Variants in LRRC58 observed in about 807,000 individuals in gnomAD.
LRRC58 encodes the protein leucine rich repeat containing 58, also known as leucine-rich repeat-containing protein 58.
In LRRC58, 18 loss-of-function variants were observed where a neutral mutation model predicts 30.6. That is an observed-to-expected ratio of 0.59 (90% confidence interval 0.41 to 0.87). The LOEUF (loss-of-function observed/expected upper bound fraction) is 0.87, where lower values mean the gene tolerates loss of function less well. Ranked by LOEUF, LRRC58 falls within the 40% of genes least tolerant of loss-of-function variation. LRRC58 has a pLI of 0.00. For synonymous variants in LRRC58, 221 were observed against 206.0 expected, an observed-to-expected ratio of 1.07 and a Z score of -0.62; for missense variants, 420 against 468.4, an observed-to-expected ratio of 0.90 and a Z score of 0.95.
rs6802912 is a variant in LRRC58, at chr3:120,335,917, T to C, written c.537A>G (p.Lys179=). Residue 179 remains lysine, a synonymous_variant, in exon 2 of 4, where the codon AAA becomes AAG. Transcript: ENST00000295628. The part of the protein sequence containing the change: ...ECLYLGGNFI[K]EIPPELGNLP... ...GATTTCCTAATTCTGGTGGGATTTC[T>C]TTAATGAAATTTCCTCCAAGATATA... 2.9e-3 allele frequency: 4,580 copies of C among 1,595,080 alleles called. 108 individuals are homozygous for C. The African/African-American group carries it at 0.055, about 19-fold the overall frequency.
In LRRC58 at chr3:120,326,678, A is replaced by C. The variant is rs1034827113; in HGVS notation, c.*4522T>G. On this transcript the variant is annotated 3_prime_UTR_variant, in exon 4 of 4. Transcript: ENST00000295628. ...AATGGGGAGTAACATTCATAATGACAATAAAATCTCTACCTCTGGATGAAA... is the reference window on the plus strand; with the variant it reads ...AATGGGGAGTAACATTCATAATGACCATAAAATCTCTACCTCTGGATGAAA... The C allele has an allele frequency of 4.6e-5, 7 of 152,232 alleles. No individual in the cohort carries two copies. The highest frequency in any genetic ancestry group is 2.0e-4 in the Admixed American group (3 of 15,288). 9.4% of individuals were successfully genotyped at this position (152,232 alleles called of 1,614,324 possible).
intron 3 of LRRC58, among the ~76,000 whole-genome samples, chr3:120,332,498 G>A (rs994251046): frequency 6.6e-6 from 1 of 152,028 alleles, no homozygotes; most frequent in Non-Finnish European, 1.5e-5. Context: ...GTCATAGACC[G>A]ATAATAAATC....
At position 120,348,776 on chromosome 3, in the gene LRRC58, C is replaced by G; in HGVS notation, c.468G>C (p.Gln156His). ...AGTTCTCGATCTCAGCCGGGATGCTCTGCAGTTGGTTGCCGCCCAGGCTCA... is the reference window on the plus strand; with the variant it reads ...AGTTCTCGATCTCAGCCGGGATGCTGTGCAGTTGGTTGCCGCCCAGGCTCA... ...QTLSLGGNQL[Q>H]SIPAEIENLQ... The change falls in exon 1 of 4, where the codon CAG (glutamine) becomes CAC (histidine). Residue 156 changes from glutamine (Q) to histidine (H), a missense_variant. By Grantham distance (24) the Gln-to-His change is conservative. Coordinates refer to ENST00000295628, the MANE Select transcript of LRRC58 (RefSeq NM_001099678.2). 2 of 1,603,980 alleles carry G rather than the reference C, an allele frequency of 1.2e-6. No individual in the cohort carries two copies. Among genetic ancestry groups the G allele is most frequent in the Non-Finnish European group, 1.7e-6 (2 of 1,175,890 alleles).
In LRRC58 at chr3:120,326,776, T is replaced by C. The variant is rs2107619322; in HGVS notation, c.*4424A>G. The C allele has an allele frequency of 6.6e-6, 1 of 152,366 alleles. No individual in the cohort carries two copies. Among genetic ancestry groups the C allele is most frequent in the East Asian group, 1.9e-4 (1 of 5,196 alleles). The allele number at this position is 152,366 out of a possible 1,614,324, so 9.4% of individuals were successfully genotyped here. ...TAACTAACCTCATATATACATAATA[T>C]AACCGATAGTTTTGTCTACCAAGGG... On this transcript the variant is annotated 3_prime_UTR_variant, in exon 4 of 4. Transcript: ENST00000295628.
intron 3 of LRRC58, among the ~76,000 whole-genome samples, chr3:120,334,274 G>A (rs1935802176): frequency 6.6e-6 from 1 of 152,172 alleles, no homozygotes; most frequent in Non-Finnish European, 1.5e-5. Context: ...GGAGGCCGAG[G>A]TGGGCGGATC....
At chr3:120,342,940 C>T (rs1559995518) in intron 1 of LRRC58, among the ~76,000 whole-genome samples, 2 of 152,220 alleles carry the variant, frequency 1.3e-5, no homozygotes, top group Non-Finnish European at 2.9e-5. Flanking sequence ...TTATAAGTCA[C>T]TCAGTTTACG....
chr3:120,330,213 C>G lies in LRRC58; in HGVS notation c.*987G>C, dbSNP rs1025530437. 1.1e-4 allele frequency: 17 copies of G among 152,034 alleles called. No individual in the cohort carries two copies. The highest frequency in any genetic ancestry group is 1.1e-3 in the Admixed American group (17 of 15,260). 9.4% of individuals were successfully genotyped at this position (152,034 alleles called of 1,614,324 possible). A position where few individuals can be genotyped will look rare whatever the true frequency, so the allele number is the denominator to read the frequency against. On this transcript the variant is annotated 3_prime_UTR_variant, in exon 4 of 4. Transcript: ENST00000295628. The stretch of plus-strand genomic sequence containing the variant: ...CCATTTAATGCAAGATATAAAGAAG[C>G]TTTCCTAGCTTCTATCTCTTTTAGA...
rs181100405 is a variant in LRRC58 at position 120,329,745 on chromosome 3, G to A, written c.*1455C>T. Reference sequence around the variant, plus strand: ...ACACCTGATGTTCTAATGCCTATCTGATCTGTATAACATTTCTTACTGTAG... The same window carrying A: ...ACACCTGATGTTCTAATGCCTATCTAATCTGTATAACATTTCTTACTGTAG... On this transcript the variant is annotated 3_prime_UTR_variant, in exon 4 of 4. Coordinates refer to ENST00000295628, the MANE Select transcript of LRRC58 (RefSeq NM_001099678.2). 284 of 151,996 alleles carry A rather than the reference G, an allele frequency of 1.9e-3. 1 individual carries two copies. The highest frequency in any genetic ancestry group is 6.0e-3 in the African/African-American group (247 of 41,496). The allele number at this position is 151,996 out of a possible 1,614,324, so 9.4% of individuals were successfully genotyped here.
intron 1 of LRRC58, among the ~76,000 whole-genome samples, chr3:120,338,164 C>T (rs932460918): frequency 6.6e-6 from 1 of 152,158 alleles, no homozygotes; most frequent in Non-Finnish European, 1.5e-5. Context: ...TTTTAAATAC[C>T]TTTTGCCCTG....
rs1358476995 is a variant in LRRC58, at chr3:120,349,024, C to T, written c.220G>A (p.Asp74Asn). 1.3e-6 allele frequency: 2 copies of T among 1,519,426 alleles called. No individual in the cohort carries two copies. Among genetic ancestry groups the T allele is most frequent in the Non-Finnish European group, 1.8e-6 (2 of 1,141,106 alleles). The allele number at this position is 1,519,426 out of a possible 1,614,324, so 94.1% of individuals were successfully genotyped here. The change falls in exon 1 of 4, where the codon GAC becomes AAC. Residue 74 changes from aspartate (D) to asparagine (N), a missense_variant. Around this residue, in one of 2 missense-constraint regions of LRRC58, gnomAD observed 266 missense variants for 251.7 expected, o/e 1.06. Transcript: ENST00000295628. ...GCGGTCAACGCGTTGCCGCTCACGT[C>T]CAGCAGCTGGAGGTGCGGGAAGCCG... ...GSGFPHLQLL[D>N]VSGNALTALG...
chr3:120,337,247 C>T (rs1362805522), intron 1 of LRRC58, among the ~76,000 whole-genome samples: 1 of 152,216 alleles, frequency 6.6e-6, no homozygotes, highest in African/African-American at 2.4e-5. Flanking sequence ...AAGAGCACTC[C>T]TTAACCTACA....
chr3:120,342,373 G>A (rs1935915254), intron 1 of LRRC58, among the ~76,000 whole-genome samples: 1 of 152,224 alleles, frequency 6.6e-6, no homozygotes, highest in Admixed American at 6.5e-5. Flanking sequence ...CCAGAACAGG[G>A]CAGAGGAGGA....
intron 2 of LRRC58, 136 bp from the exon 3 acceptor site, chr3:120,335,275 A>AGATC: frequency 1.3e-6 from 1 of 758,974 alleles, no homozygotes; most frequent in Non-Finnish European, 2.0e-6. Context: ...GAAGTAAAAT[A>AGATC]AAAAGGTGCT....
In LRRC58 at chr3:120,334,401, G is replaced by A. The variant is rs568908124; in HGVS notation, c.907+461C>T. On this transcript the variant is annotated intron_variant, in intron 3 of 3. Coordinates refer to ENST00000295628, the MANE Select transcript of LRRC58 (RefSeq NM_001099678.2). ...TGGGCGCCTGTAGTCCCAGCTACTC[G>A]GGAGGCTGAGGCAGGAGAATGGCGT... 4.7e-3 allele frequency among the ~76,000 whole-genome samples: 714 copies of A among 152,080 alleles called. 1 individual carries two copies. The highest frequency in any genetic ancestry group is 0.02 in the Middle Eastern group (6 of 294).
rs1270972325 is a variant in LRRC58 at position 120,328,649 on chromosome 3, G to C, written c.*2551C>G. 1.3e-5 allele frequency: 2 copies of C among 152,196 alleles called. No individual in the cohort carries two copies. Among genetic ancestry groups the C allele is most frequent in the African/African-American group, 4.8e-5 (2 of 41,446 alleles). 9.4% of individuals were successfully genotyped at this position (152,196 alleles called of 1,614,324 possible). Reference sequence around the variant, plus strand: ...TAGTTAGCTACATGACTTGGGAGCTGATTATCTGGTTTCTAGATTATGAAG... The same window carrying C: ...TAGTTAGCTACATGACTTGGGAGCTCATTATCTGGTTTCTAGATTATGAAG... On this transcript the variant is annotated 3_prime_UTR_variant, in exon 4 of 4. Coordinates refer to ENST00000295628, the MANE Select transcript of LRRC58 (RefSeq NM_001099678.2).
intron 1 of LRRC58, among the ~76,000 whole-genome samples, chr3:120,341,310 A>G (rs181092845): frequency 6.6e-6 from 1 of 152,348 alleles, no homozygotes; most frequent in African/African-American, 2.4e-5. Context: ...AAAAGGGACT[A>G]TTTCAATGAG....
chr3:120,333,758 C>A (rs1032054299), intron 3 of LRRC58, among the ~76,000 whole-genome samples: 1 of 152,182 alleles, frequency 6.6e-6, no homozygotes, highest in South Asian at 2.1e-4. Context: ...CTCTTCACAA[C>A]CAGGACTCAA....
chr3:120,344,698 C>T (rs1935945618), intron 1 of LRRC58, among the ~76,000 whole-genome samples: 1 of 152,142 alleles, frequency 6.6e-6, no homozygotes, highest in Non-Finnish European at 1.5e-5. Flanking sequence ...GTGCTCAAAC[C>T]TACTCTCCAA....
chr3:120,336,626 A>G (rs1935838228), intron 1 of LRRC58, among the ~76,000 whole-genome samples: 2 of 152,054 alleles, frequency 1.3e-5, no homozygotes, highest in African/African-American at 4.8e-5. Flanking sequence ...TAGCAAATAC[A>G]TTCTTCAGAG....
Sources: allele counts gnomAD v4.1 joint callset (sites outside exome capture counted in the v4.1 genomes callset), GRCh38; gene constraint gnomAD v4.1.1; regional missense constraint gnomAD v4.1.1; transcripts MANE v1.5; gene names NCBI Gene and HGNC (gene_info 2026-07-23, HGNC 2026-07-21).